The following USH2A variants were observed in gnomAD, a reference collection of about 807,000 sequenced individuals.
USH2A encodes the protein Usher syndrome 2A (autosomal recessive, mild).
A neutral mutation model predicts 538.9 loss-of-function variants in USH2A; 443 were observed. The ratio of observed to expected loss-of-function variants is 0.82; its 90% CI spans 0.76 to 0.89. The LOEUF is 0.89. USH2A is among the 40% of genes least tolerant of loss of function. The probability of loss-of-function intolerance (pLI) is 0.00; values close to 1 mark genes in which losing one functional copy is unlikely to be tolerated. For synonymous variants in USH2A, 2,413 were observed against 2,273.5 expected, an observed-to-expected ratio of 1.06 and a Z score of -1.75; for missense variants, 6,633 against 6,324.8, an observed-to-expected ratio of 1.05 and a Z score of -1.65.
At chr1:216,060,301 T>A (rs2031132797) in intron 30 of USH2A, among the ~76,000 whole-genome samples, 1 of 152,134 alleles carries the variant, frequency 6.6e-6, no homozygotes, top group African/African-American at 2.4e-5. Context: ...AGAATCACCT[T>A]ATGACCAGTA....
chr1:215,803,217 G>A (rs1412481331), intron 49 of USH2A, among the ~76,000 whole-genome samples: 3 of 152,080 alleles, frequency 2.0e-5, no homozygotes, highest in African/African-American at 4.8e-5. Flanking sequence ...CTTTGAAAAC[G>A]GGCACAAGAC....
chr1:216,324,970 G>C (rs977852281), intron 6 of USH2A, among the ~76,000 whole-genome samples: 2 of 152,146 alleles, frequency 1.3e-5, no homozygotes, highest in African/African-American at 4.8e-5. Context: ...ATCATCCTGG[G>C]TCTAATAGGG....
At chr1:216,176,745 T>C (rs996897804) in intron 20 of USH2A, among the ~76,000 whole-genome samples, 7 of 152,132 alleles carry the variant, frequency 4.6e-5, no homozygotes, top group African/African-American at 1.7e-4. Context: ...AGGTAACTAC[T>C]CATCTCCGTA....
chr1:216,292,064 A>T, intron 10 of USH2A, 111 bp downstream of exon 10: 2 of 1,255,626 alleles, frequency 1.6e-6, no homozygotes, highest in Non-Finnish European at 2.3e-6. Flanking sequence ...ACTTAAAGGT[A>T]TGAAAGTACA....
intron 4 of USH2A, among the ~76,000 whole-genome samples, chr1:216,357,404 T>C (rs549004314): frequency 6.6e-6 from 1 of 152,194 alleles, no homozygotes; most frequent in East Asian, 1.9e-4. Context: ...TCAGCTGAAC[T>C]AAAATGGAGT....
intron 19 of USH2A, 151 bp from the exon 20 acceptor site, chr1:216,190,518 A>G: frequency 4.1e-6 from 4 of 985,644 alleles, no homozygotes; most frequent in South Asian, 1.6e-5. Flanking sequence ...TTTTTTCTGA[A>G]GAGTCTCGAC....
At chr1:215,664,873 C>T (rs567472939) in intron 64 of USH2A, among the ~76,000 whole-genome samples, 6 of 152,268 alleles carry the variant, frequency 3.9e-5, no homozygotes, top group African/African-American at 1.2e-4. Context: ...TGTACTTTCC[C>T]GCCTCTAGAA....
chr1:215,722,023 C>A (rs1659677086), intron 61 of USH2A, among the ~76,000 whole-genome samples: 1 of 150,514 alleles, frequency 6.6e-6, no homozygotes, highest in Non-Finnish European at 1.5e-5. Flanking sequence ...TATGATGGTG[C>A]CACTGCACTG....
intron 64 of USH2A, among the ~76,000 whole-genome samples, chr1:215,664,042 G>A (rs1405829759): frequency 2.0e-5 from 3 of 152,096 alleles, no homozygotes; most frequent in Admixed American, 6.5e-5. Flanking sequence ...AGGTTTCCAG[G>A]ACCTGGTGTT....
chr1:215,634,562 C>A lies in USH2A; in HGVS notation c.15194G>T (p.Arg5065Ile). 6.2e-7 allele frequency: 1 copy of A among 1,614,070 alleles called. No individual in the cohort carries two copies. Among genetic ancestry groups the A allele is most frequent in the South Asian group, 1.1e-5 (1 of 91,074 alleles). ...GATATATGGCTCTTTGTGGATTTTT[C>A]TTTGTAGTATCAGGGACAGAAAAAT... ...LAIFLSLILQ[R>I]KIHKEPYIRE... Residue 5065 changes from arginine (R) to isoleucine (I), a missense_variant, in exon 70 of 72, where the codon AGA becomes ATA. Transcript: ENST00000307340.
chr1:216,400,691 A>G (rs1373175068), intron 3 of USH2A, among the ~76,000 whole-genome samples: 2 of 152,192 alleles, frequency 1.3e-5, no homozygotes, highest in Non-Finnish European at 2.9e-5. Flanking sequence ...GAAAGCAGCC[A>G]GAGGAATGAT....
At chr1:216,081,400 G>A (rs1453823244) in intron 26 of USH2A, among the ~76,000 whole-genome samples, 1 of 152,150 alleles carries the variant, frequency 6.6e-6, no homozygotes. Context: ...GGATAACCAT[G>A]CATATTGAAA....
chr1:216,304,110 A>G (rs2037269242), intron 9 of USH2A, among the ~76,000 whole-genome samples: 1 of 152,012 alleles, frequency 6.6e-6, no homozygotes, highest in African/African-American at 2.4e-5. Flanking sequence ...TAAAAAAAGA[A>G]TTGTACCATT....
chr1:215,759,611 A>G, intron 57 of USH2A, 49 bp downstream of exon 57: 1 of 1,609,298 alleles, frequency 6.2e-7, no homozygotes, highest in Non-Finnish European at 8.5e-7. Flanking sequence ...CAACCCAGAG[A>G]AATGTACAAA....
Position 216,084,729 on chromosome 1 carries a change from T to G in USH2A, c.5136A>C (p.Ser1712=), listed in dbSNP as rs143950713. Residue 1712 remains serine, a synonymous_variant, in exon 25 of 72, where the codon TCA becomes TCC. Transcript: ENST00000307340. ...CTAGGAACTGAGCTCCCTCATTTAA[T>G]GAAGCGGGACATCCCTCCCAGCTGT... ...VYNSWEGCPA[S]LNEGAQFLGA... 1 of 1,613,404 alleles carries G rather than the reference T, an allele frequency of 6.2e-7. No individual in the cohort carries two copies. The highest frequency in any genetic ancestry group is 2.2e-5 in the East Asian group (1 of 44,852).
At chr1:215,781,011 A>G (rs1342201661) in intron 54 of USH2A, among the ~76,000 whole-genome samples, 1 of 152,236 alleles carries the variant, frequency 6.6e-6, no homozygotes, top group African/African-American at 2.4e-5. Flanking sequence ...GCTGGCTTCT[A>G]TGAAATGTCC....
chr1:216,330,302 A>G (rs1392772321), intron 4 of USH2A, among the ~76,000 whole-genome samples: 2 of 152,182 alleles, frequency 1.3e-5, no homozygotes, highest in African/African-American at 4.8e-5. Context: ...TGAGAAATTC[A>G]TATAGTATAT....
chr1:216,146,820 C>T (rs2033716336), intron 21 of USH2A, among the ~76,000 whole-genome samples: 1 of 151,998 alleles, frequency 6.6e-6, no homozygotes, highest in African/African-American at 2.4e-5. Flanking sequence ...TTCCACCCTC[C>T]ATTCCTCCTT....
rs767155952 is a variant in USH2A, at chr1:215,878,998, A to C, written c.8324T>G (p.Val2775Gly). 6.2e-7 allele frequency: 1 copy of C among 1,614,044 alleles called. No individual in the cohort carries two copies. The highest frequency in any genetic ancestry group is 1.1e-5 in the South Asian group (1 of 91,082). The change falls in exon 42 of 72, where the codon GTG (valine) becomes GGG (glycine). Residue 2775 changes from valine (V) to glycine (G), a missense_variant. Transcript: ENST00000307340. ...CAGATGAGTAACTTTTTGACTTAAC[A>C]CTGCGGAAGTCACATTGGTTAAAGT... ...HITLTNVTSA[V>G]LSQKVTHLIP...
Sources: gnomAD v4.1 joint callset for allele counts (sites outside exome capture counted in the v4.1 genomes callset) on GRCh38, gnomAD v4.1.1 for gene constraint, MANE v1.5 for transcripts, NCBI Gene and HGNC (gene_info 2026-07-23, HGNC 2026-07-21) for gene names.